The following TRPC4AP variants were observed in gnomAD, a reference collection of about 807,000 sequenced individuals.
TRPC4AP encodes transient receptor potential cation channel subfamily C member 4 associated protein, also known as short transient receptor potential channel 4-associated protein.
Under a neutral mutation model 99.0 loss-of-function variants are expected in TRPC4AP, and 45 were observed. The observed-to-expected ratio is 0.45, with a 90% CI of 0.36 to 0.58. The LOEUF is 0.58. Ranked by LOEUF, TRPC4AP falls within the 20% of genes least tolerant of loss-of-function variation. The probability of loss-of-function intolerance (pLI) is 0.00; values close to 1 mark genes in which losing one functional copy is unlikely to be tolerated. For missense variants in TRPC4AP, 879 were observed against 985.3 expected, an observed-to-expected ratio of 0.89 and a Z score of 1.44; for synonymous variants, 408 against 385.8, an observed-to-expected ratio of 1.06 and a Z score of -0.67.
intron 13 of TRPC4AP, 62 bp from the exon 14 acceptor site, chr20:35,007,702 T>TC: frequency 1.3e-6 from 2 of 1,549,698 alleles, no homozygotes. Flanking sequence ...TGTTCAGTTC[T>TC]CCAAGGGGTT....
At chr20:35,068,971 ACACACAC>A (rs1569140237) in intron 3 of TRPC4AP, among the ~76,000 whole-genome samples, 24 of 64,644 alleles carry the variant, frequency 3.7e-4, no homozygotes, top group Non-Finnish European at 2.7e-4. Context: ...ACACACACAC[ACACACAC>A]AAAAAAAACA....
intron 14 of TRPC4AP, 47 bp from the exon 15 acceptor site, chr20:35,006,622 C>T (rs2082524018): frequency 1.9e-6 from 3 of 1,598,196 alleles, no homozygotes; most frequent in Non-Finnish European, 2.6e-6. Flanking sequence ...GCTGCCCCCA[C>T]CAGGGCCTGG....
At chr20:35,037,112 C>T (rs1380720203) in intron 7 of TRPC4AP, among the ~76,000 whole-genome samples, 7 of 151,964 alleles carry the variant, frequency 4.6e-5, no homozygotes, top group African/African-American at 1.2e-4. Context: ...TTTGGGAGGC[C>T]GAGGCGGGTG....
intron 8 of TRPC4AP, among the ~76,000 whole-genome samples, chr20:35,023,842 G>A (rs2082949754): frequency 1.3e-5 from 2 of 152,262 alleles, no homozygotes; most frequent in African/African-American, 4.8e-5. Context: ...AGAAATGAAC[G>A]TCTGCGAAGA....
At position 35,003,392 on chromosome 20, in the gene TRPC4AP, T is replaced by C. The variant is rs1253535879; in HGVS notation, c.2256+18A>G. ...GTCCGCGGCCCACCCATCACCCCCTTGAGGGTGGGGCACTCACGTTCTCTA... is the reference window on the plus strand; with the variant it reads ...GTCCGCGGCCCACCCATCACCCCCTCGAGGGTGGGGCACTCACGTTCTCTA... On this transcript the variant is annotated intron_variant, in intron 18 of 18. Coordinates refer to ENST00000252015, the MANE Select transcript of TRPC4AP (RefSeq NM_015638.3). The C allele has an allele frequency of 3.3e-6, 5 of 1,529,798 alleles. No individual in the cohort carries two copies. The highest frequency in any genetic ancestry group is 4.4e-6 in the Non-Finnish European group (5 of 1,142,150). 94.8% of individuals were successfully genotyped at this position (1,529,798 alleles called of 1,614,324 possible).
intron 8 of TRPC4AP, among the ~76,000 whole-genome samples, chr20:35,023,151 C>T (rs1028791519): frequency 6.6e-6 from 1 of 152,180 alleles, no homozygotes; most frequent in Non-Finnish European, 1.5e-5. Flanking sequence ...GACTGAGACA[C>T]AGTGTGACAC....
chr20:35,086,580 T>TAC lies in TRPC4AP; in HGVS notation c.168+6033_168+6034insGT, dbSNP rs2084889044. Among the ~76,000 whole-genome samples, 3 of 146,606 alleles carry TAC rather than the reference T, an allele frequency of 2.0e-5. 1 individual carries two copies. In the East Asian group the frequency reaches 6.0e-4, roughly 29 times the overall value. On this transcript the variant is annotated intron_variant, in intron 1 of 18. Coordinates refer to ENST00000252015, the MANE Select transcript of TRPC4AP (RefSeq NM_015638.3). The stretch of plus-strand genomic sequence containing the variant: ...GTGTGTGTGTGTGTGTGTGTGTATA[T>TAC]ATATATGAATAAGACTTTATCCTAA...
intron 1 of TRPC4AP, among the ~76,000 whole-genome samples, chr20:35,089,799 T>C (rs1188384259): frequency 3.3e-5 from 5 of 151,988 alleles, no homozygotes; most frequent in African/African-American, 9.7e-5. Flanking sequence ...TGAACCGAGA[T>C]TGCGCCACTG....
chr20:35,056,878 T>C (rs2145959956), intron 4 of TRPC4AP, among the ~76,000 whole-genome samples: 1 of 148,278 alleles, frequency 6.7e-6, no homozygotes, highest in South Asian at 2.1e-4. Flanking sequence ...CCCAGCTACT[T>C]GAGAGGGTGA....
At chr20:35,041,651 C>A (rs1465985594) in intron 7 of TRPC4AP, among the ~76,000 whole-genome samples, 1 of 152,168 alleles carries the variant, frequency 6.6e-6, no homozygotes, top group Non-Finnish European at 1.5e-5. Context: ...ATGGGTAATG[C>A]TGGTTTTACT....
rs1286813339 is a variant in TRPC4AP, at chr20:35,004,562, C to T, written c.1945G>A (p.Val649Ile). The change falls in exon 17 of 19, where the codon GTA (valine) becomes ATA (isoleucine). Residue 649 changes from valine (V) to isoleucine (I), a missense_variant. By Grantham distance (29) the Val-to-Ile change is conservative (BLOSUM62 3). This residue lies in a region of TRPC4AP where 224 missense variants were observed against 264.7 expected (regional missense o/e 0.85). Transcript: ENST00000252015. ...GCGAGCAGGCGGCATTCAGACAGTA[C>T]CTCGGCAACTGTGGAGGGAGGCAGG... ...ENQVDMKVAE[V>I]LSECRLLAYI... is the part of the protein sequence containing the mutation. The T allele has an allele frequency of 1.2e-6, 2 of 1,613,724 alleles. No homozygotes were observed. The highest frequency in any genetic ancestry group is 2.2e-5 in the South Asian group (2 of 90,984).
Position 35,016,073 on chromosome 20 carries a change from A to C in TRPC4AP, c.1285T>G (p.Trp429Gly), listed in dbSNP as rs764630359. Residue 429 changes from tryptophan (W) to glycine (G), a missense_variant, in exon 10 of 19, where the codon TGG becomes GGG. Physicochemically the swap from Trp to Gly is radical, Grantham distance 184 (BLOSUM62 -2). Coordinates refer to ENST00000252015, the MANE Select transcript of TRPC4AP (RefSeq NM_015638.3). ...AGGGCAGATGCTGAATGCTTCCTCC[A>C]AATCAGTTTGTCAAACAAATTATTA... ...GLNNLFDKLI[W>G]RKHSASALVL... 1.2e-6 allele frequency: 2 copies of C among 1,614,116 alleles called. No homozygotes were observed. The highest frequency in any genetic ancestry group is 8.5e-7 in the Non-Finnish European group (1 of 1,180,060).
chr20:35,065,040 T>C (rs1431165770), intron 3 of TRPC4AP, among the ~76,000 whole-genome samples: 1 of 152,170 alleles, frequency 6.6e-6, no homozygotes, highest in East Asian at 1.9e-4. Context: ...ACTACACCAA[T>C]TCTTCTCAAA....
Position 35,044,579 on chromosome 20 carries a change from T to C in TRPC4AP, c.791A>G (p.His264Arg), listed in dbSNP as rs1227040084. Residue 264 changes from histidine (H) to arginine (R), a missense_variant, in exon 7 of 19, where the codon CAC becomes CGC. This residue lies in a region of TRPC4AP where 603 missense variants were observed against 631.8 expected (regional missense o/e 0.95). Coordinates refer to ENST00000252015, the MANE Select transcript of TRPC4AP (RefSeq NM_015638.3). ...TTGAGCATTTTTGGCAAGAAGCGTG[T>C]GCTTGTCATCATTCCCTGTATCCAT... ...SEMDTGNDDK[H>R]TLLAKNAQQK... The C allele has an allele frequency of 5.0e-6, 8 of 1,614,152 alleles. No individual in the cohort carries two copies. The highest frequency in any genetic ancestry group is 1.3e-5 in the African/African-American group (1 of 75,050).
intron 3 of TRPC4AP, among the ~76,000 whole-genome samples, chr20:35,059,935 CGAA>C (rs141380417): frequency 0.14 from 21,026 of 149,190 alleles, 1,831 homozygotes; most frequent in African/African-American, 0.25. Flanking sequence ...ACGAAGAAGA[CGAA>C]GAAGAAGAAA....
Position 35,003,479 on chromosome 20 carries a change from G to C in TRPC4AP, c.2187C>G (p.Phe729Leu). 3 of 1,614,126 alleles carry C rather than the reference G, an allele frequency of 1.9e-6. No homozygotes were observed. Among genetic ancestry groups the C allele is most frequent in the Non-Finnish European group, 2.5e-6 (3 of 1,180,032 alleles). Residue 729 changes from phenylalanine to leucine, a missense_variant, in exon 18 of 19, where the codon TTC (phenylalanine) becomes TTG (leucine). Phe to Leu is a conservative substitution (Grantham distance 22). Around this residue, in one of 3 missense-constraint regions of TRPC4AP, gnomAD observed 224 missense variants for 264.7 expected, o/e 0.85. Coordinates refer to ENST00000252015, the MANE Select transcript of TRPC4AP (RefSeq NM_015638.3). Reference sequence around the variant, plus strand: ...GCTGCCAGAAGCGCAGCAGGTTGTGGAAGTTGTTGAGCAGGAAGCCGGGGT... The same window carrying C: ...GCTGCCAGAAGCGCAGCAGGTTGTGCAAGTTGTTGAGCAGGAAGCCGGGGT... ...KKYPGFLLNN[F>L]HNLLRFWQQH...
At chr20:35,073,408 G>A (rs1189193259) in intron 2 of TRPC4AP, among the ~76,000 whole-genome samples, 2 of 151,972 alleles carry the variant, frequency 1.3e-5, no homozygotes, top group Non-Finnish European at 2.9e-5. Flanking sequence ...GATATTGGCT[G>A]TGGGTCTGTC....
intron 7 of TRPC4AP, among the ~76,000 whole-genome samples, chr20:35,043,737 A>C (rs1183078600): frequency 3.9e-5 from 6 of 152,250 alleles, no homozygotes; most frequent in Non-Finnish European, 8.8e-5. Flanking sequence ...AAATAGAACA[A>C]TTGTAACAAG....
intron 6 of TRPC4AP, among the ~76,000 whole-genome samples, chr20:35,046,227 T>G (rs2083559773): frequency 6.6e-6 from 1 of 152,212 alleles, no homozygotes; most frequent in African/African-American, 2.4e-5. Context: ...TTTATAAGTT[T>G]TCCTTCTATT....
Sources: gnomAD v4.1 joint callset for allele counts (sites outside exome capture counted in the v4.1 genomes callset) on GRCh38, gnomAD v4.1.1 for gene constraint, gnomAD v4.1.1 regional missense constraint, MANE v1.5 for transcripts, NCBI Gene and HGNC (gene_info 2026-07-23, HGNC 2026-07-21) for gene names.